FHOD3: variants seen among roughly 807,000 people sequenced by gnomAD.
The protein encoded by FHOD3 is formin homology 2 domain containing 3.
Under a neutral mutation model 173.0 loss-of-function variants are expected in FHOD3, and 90 were observed. The observed-to-expected ratio is 0.52, with a 90% CI of 0.44 to 0.62. FHOD3 has a LOEUF of 0.62. FHOD3 is among the 20% of genes least tolerant of loss of function. FHOD3 has a pLI of 0.00. For synonymous variants in FHOD3, 828 were observed against 823.0 expected, an observed-to-expected ratio of 1.01 and a Z score of -0.10; for missense variants, 1,945 against 2,034.7, an observed-to-expected ratio of 0.96 and a Z score of 0.85.
In FHOD3 at chr18:36,355,585, A is replaced by T; in HGVS notation, c.212A>T (p.Asp71Val). The T allele has an allele frequency of 2.5e-6, 4 of 1,614,104 alleles. No homozygotes were observed. The highest frequency in any genetic ancestry group is 3.4e-6 in the Non-Finnish European group (4 of 1,179,994). ...LQLSHNGAYL[D>V]LEATLAEQRD... is the part of the protein sequence containing the mutation. ...CTCTCTCACAATGGCGCCTACCTGG[A>T]TTTGGAGGCCACCCTGGCAGAGCAG... is the stretch of plus-strand genomic sequence containing the variant. The change falls in exon 2 of 29, where the codon GAT becomes GTT. Residue 71 changes from aspartate to valine, a missense_variant. This residue lies in a region of FHOD3 where 245 missense variants were observed against 267.7 expected (regional missense o/e 0.92). Transcript: ENST00000590592.
chr18:36,449,323 C>T (rs2051686431), intron 3 of FHOD3, among the ~76,000 whole-genome samples: 1 of 152,082 alleles, frequency 6.6e-6, no homozygotes, highest in African/African-American at 2.4e-5. Context: ...AGGGAAGGCA[C>T]AAAATATTAA....
chr18:36,495,412 C>A (rs2054693406), intron 3 of FHOD3, among the ~76,000 whole-genome samples: 1 of 152,182 alleles, frequency 6.6e-6, no homozygotes, highest in South Asian at 2.1e-4. Flanking sequence ...ACTACCCTCA[C>A]TAACATGTGT....
rs1157752890 is a variant in FHOD3, at chr18:36,380,543, C to CTTTCTTTTCT, written c.337+7807_337+7808insCTTTTCTTTT. ...TCTCTCCCTTTTTCCCTTTCTCTCTCTTTCTTTTGTTTTCTTTTCTTTTCT... is the reference window on the plus strand; with the variant it reads ...TCTCTCCCTTTTTCCCTTTCTCTCTCTTTCTTTTCTTTTCTTTTGTTTTCTTTTCTTTTCT... On this transcript the variant is annotated intron_variant, in intron 3 of 28. Transcript: ENST00000590592. Among the ~76,000 whole-genome samples, 15 of 119,536 alleles carry CTTTCTTTTCT rather than the reference C, an allele frequency of 1.3e-4. 1 individual carries two copies. Among genetic ancestry groups the CTTTCTTTTCT allele is most frequent in the African/African-American group, 4.1e-4 (12 of 28,966 alleles). 78.4% of individuals were successfully genotyped at this position (119,536 alleles called of 152,430 possible). A position where few individuals can be genotyped will look rare whatever the true frequency, so the allele number is the denominator to read the frequency against.
At chr18:36,400,723 A>T (rs756782565) in intron 3 of FHOD3, among the ~76,000 whole-genome samples, 2 of 152,212 alleles carry the variant, frequency 1.3e-5, no homozygotes, top group South Asian at 2.1e-4. Context: ...TGGAACAGGG[A>T]TGGAGGCTGG....
chr18:36,430,832 CTATT>C, intron 3 of FHOD3, among the ~76,000 whole-genome samples: 1 of 152,204 alleles, frequency 6.6e-6, no homozygotes, highest in South Asian at 2.1e-4. Context: ...GATGGAGTCA[CTATT>C]TGTTTAAAAA....
intron 13 of FHOD3, among the ~76,000 whole-genome samples, chr18:36,654,059 A>G (rs1376365277): frequency 6.6e-6 from 1 of 152,114 alleles, no homozygotes; most frequent in Admixed American, 6.6e-5. Flanking sequence ...GCTGTCTGTC[A>G]TTTAGGCAGT....
intron 5 of FHOD3, among the ~76,000 whole-genome samples, chr18:36,517,609 TC>T (rs2056061651): frequency 6.6e-6 from 1 of 152,222 alleles, no homozygotes. Context: ...TTTAATTTGG[TC>T]ATTTCATCTA....
At chr18:36,433,713 A>G (rs752911594) in intron 3 of FHOD3, among the ~76,000 whole-genome samples, 1 of 152,146 alleles carries the variant, frequency 6.6e-6, no homozygotes, top group African/African-American at 2.4e-5. Context: ...CATCTTTTTG[A>G]CCAAAATATA....
intron 27 of FHOD3, among the ~76,000 whole-genome samples, chr18:36,762,028 C>T (rs1173231611): frequency 1.3e-5 from 2 of 151,924 alleles, no homozygotes; most frequent in Non-Finnish European, 2.9e-5. Flanking sequence ...AACATGCAGG[C>T]AGAAAGGCAG....
intron 18 of FHOD3, chr18:36,710,319 C>G (rs1032773102): frequency 3.3e-5 from 5 of 152,200 alleles, no homozygotes; most frequent in African/African-American, 1.2e-4. Context: ...TATGGGCCAG[C>G]CTTTCTTAAG....
Position 36,512,434 on chromosome 18 carries a change from C to A in FHOD3, c.406-4C>A. On this transcript the variant is annotated splice_polypyrimidine_tract_variant and splice_region_variant and intron_variant, in intron 4 of 28. Coordinates refer to ENST00000590592, the MANE Select transcript of FHOD3 (RefSeq NM_001281740.3). ...TGAAGTATTTTTGTTTTCTTTCCTG[C>A]CAGGATGACAAGGATTTGGTGCATG... The A allele has an allele frequency of 6.2e-7, 1 of 1,611,710 alleles. No homozygotes were observed. Among genetic ancestry groups the A allele is most frequent in the African/African-American group, 1.3e-5 (1 of 74,970 alleles).
intron 8 of FHOD3, among the ~76,000 whole-genome samples, chr18:36,609,082 A>G (rs2032390062): frequency 6.6e-6 from 1 of 152,230 alleles, no homozygotes; most frequent in South Asian, 2.1e-4. Context: ...TCTGAGAGAG[A>G]TTTGTAAAGA....
intron 3 of FHOD3, among the ~76,000 whole-genome samples, chr18:36,416,226 G>A (rs555927892): frequency 6.6e-6 from 1 of 152,090 alleles, no homozygotes; most frequent in Non-Finnish European, 1.5e-5. Context: ...TTAGAGACAG[G>A]GTTCCACCAT....
intron 8 of FHOD3, among the ~76,000 whole-genome samples, chr18:36,611,692 G>GC (rs2032693153): frequency 6.6e-6 from 1 of 152,138 alleles, no homozygotes; most frequent in Non-Finnish European, 1.5e-5. Context: ...TCATGGGAGT[G>GC]CCCCCCTCTC....
At chr18:36,582,873 A>G (rs967417129) in intron 6 of FHOD3, among the ~76,000 whole-genome samples, 3 of 152,066 alleles carry the variant, frequency 2.0e-5, no homozygotes, top group African/African-American at 7.2e-5. Flanking sequence ...TTTGTCACAC[A>G]TTTTTATCTG....
chr18:36,513,951 A>G (rs975518698), intron 5 of FHOD3, among the ~76,000 whole-genome samples: 1 of 151,464 alleles, frequency 6.6e-6, no homozygotes, highest in Non-Finnish European at 1.5e-5. Context: ...TGGTCTTGTA[A>G]TAGATCCTCC....
chr18:36,666,131 A>G (rs1443031072), intron 14 of FHOD3, among the ~76,000 whole-genome samples: 2 of 152,222 alleles, frequency 1.3e-5, no homozygotes, highest in Non-Finnish European at 2.9e-5. Flanking sequence ...TCCATGTGGG[A>G]CCAGTCTCCA....
chr18:36,523,528 G>C (rs1012893092), intron 5 of FHOD3, among the ~76,000 whole-genome samples: 5 of 152,264 alleles, frequency 3.3e-5, no homozygotes, highest in African/African-American at 1.2e-4. Flanking sequence ...AGTAGCTTCA[G>C]AGCTGAAGAG....
chr18:36,491,001 C>T (rs893075245), intron 3 of FHOD3, among the ~76,000 whole-genome samples: 2 of 152,192 alleles, frequency 1.3e-5, no homozygotes, highest in Non-Finnish European at 2.9e-5. Context: ...GCATGAACAC[C>T]AGGCACCTAC....
Sources: gnomAD v4.1 joint callset for allele counts (sites outside exome capture counted in the v4.1 genomes callset) on GRCh38, gnomAD v4.1.1 for gene constraint, gnomAD v4.1.1 regional missense constraint, MANE v1.5 for transcripts, NCBI Gene and HGNC (gene_info 2026-07-23, HGNC 2026-07-21) for gene names.